Variants in SRC observed in about 807,000 individuals in gnomAD.
SRC encodes SRC proto-oncogene, non-receptor tyrosine kinase.
Under a neutral mutation model 62.9 loss-of-function variants are expected in SRC, and 13 were observed. The ratio of observed to expected loss-of-function variants is 0.21; its 90% CI spans 0.13 to 0.33. The LOEUF is 0.33. Ranked by LOEUF, SRC falls within the 10% of genes least tolerant of loss-of-function variation. The pLI is 1.00. For missense variants in SRC, 457 were observed against 737.3 expected (o/e 0.62, Z 4.40); for synonymous variants, 302 against 317.5 (o/e 0.95, Z 0.52).
chr20:37,357,015 G>T (rs2069892261), intron 1 of SRC, among the ~76,000 whole-genome samples: 1 of 152,210 alleles, frequency 6.6e-6, no homozygotes, highest in Admixed American at 6.5e-5. Flanking sequence ...CCAGCACTCT[G>T]CCCGCCTCGT....
intron 1 of SRC, among the ~76,000 whole-genome samples, chr20:37,348,410 T>A (rs1297654729): frequency 1.3e-5 from 2 of 152,196 alleles, no homozygotes; most frequent in East Asian, 3.8e-4. Context: ...TGACCCCATT[T>A]TCTCAAACCT....
Position 37,396,183 on chromosome 20 carries a change from C to T in SRC, c.575C>T (p.Ser192Phe). The change falls in exon 8 of 14, where the codon TCT becomes TTT. Residue 192 changes from serine (S) to phenylalanine (F), a missense_variant. Physicochemically the swap from Ser to Phe is radical, Grantham distance 155. Around this residue, in one of 4 missense-constraint regions of SRC, gnomAD observed 141 missense variants for 198.4 expected, o/e 0.71. Coordinates refer to ENST00000373578, the MANE Select transcript of SRC (RefSeq NM_198291.3). The surrounding 1 kb of genome is among the most constrained non-coding windows in gnomAD (Gnocchi z 6.1). ...TTKGAYCLSVSDFDNAKGLNV... is the reference protein window; with the variant it reads ...TTKGAYCLSVFDFDNAKGLNV... ...GCAGGTGCCTACTGCCTCTCAGTGT[C>T]TGACTTCGACAACGCCAAGGGCCTC... 6.2e-7 allele frequency: 1 copy of T among 1,613,542 alleles called. No homozygotes were observed. The highest frequency in any genetic ancestry group is 8.5e-7 in the Non-Finnish European group (1 of 1,179,980).
At position 37,404,754 on chromosome 20, in the gene SRC, A is replaced by G. The variant is rs1601027849; in HGVS notation, c.*1375A>G. Reference sequence around the variant, plus strand: ...CACATGGTGAGCCTAGCCCTGGGACATCAGGAGACTGGGCTCTGGCTCTGT... The same window carrying G: ...CACATGGTGAGCCTAGCCCTGGGACGTCAGGAGACTGGGCTCTGGCTCTGT... On this transcript the variant is annotated 3_prime_UTR_variant, in exon 14 of 14. Coordinates refer to ENST00000373578, the MANE Select transcript of SRC (RefSeq NM_198291.3). 1 of 233,272 alleles carries G rather than the reference A, an allele frequency of 4.3e-6. No individual in the cohort carries two copies. The highest frequency in any genetic ancestry group is 2.2e-5 in the African/African-American group (1 of 45,340). 14.5% of individuals were successfully genotyped at this position (233,272 alleles called of 1,614,324 possible).
chr20:37,391,260 C>T (rs2070543095), intron 5 of SRC, among the ~76,000 whole-genome samples: 1 of 152,212 alleles, frequency 6.6e-6, no homozygotes, highest in Non-Finnish European at 1.5e-5. Flanking sequence ...GCCCTGCAGC[C>T]TCCTCTTTCA....
chr20:37,355,965 C>G (rs2069877089), intron 1 of SRC, among the ~76,000 whole-genome samples: 1 of 152,020 alleles, frequency 6.6e-6, no homozygotes, highest in Non-Finnish European at 1.5e-5. Flanking sequence ...GAGAGCAGAG[C>G]AGGTTGAGGC....
chr20:37,386,979 C>T (rs1160294487), intron 5 of SRC, among the ~76,000 whole-genome samples: 1 of 152,184 alleles, frequency 6.6e-6, no homozygotes, highest in Non-Finnish European at 1.5e-5. Context: ...TCAAGGGCCT[C>T]GAAGGAAAGC....
chr20:37,384,226 C>T lies in SRC; in HGVS notation c.73C>T (p.His25Tyr). The change falls in exon 4 of 14, where the codon CAC becomes TAC. Residue 25 changes from histidine (H) to tyrosine (Y), a missense_variant. Physicochemically the swap from His to Tyr is moderately conservative, Grantham distance 83. Transcript: ENST00000373578. This position sits in a 1 kb window ranked among gnomAD's most constrained non-coding sequence, Gnocchi z 6.7. ...CAGCCTGGAGCCCGCCGAGAACGTG[C>T]ACGGCGCTGGCGGGGGCGCTTTCCC... ...RRSLEPAENV[H>Y]GAGGGAFPAS... 1.9e-6 allele frequency: 3 copies of T among 1,592,588 alleles called. No homozygotes were observed. The highest frequency in any genetic ancestry group is 2.6e-6 in the Non-Finnish European group (3 of 1,174,488).
rs147808607 is a variant in SRC, at chr20:37,356,338, C to T, written c.-246-8866C>T. Among the ~76,000 whole-genome samples the T allele has an allele frequency of 5.3e-5, 8 of 152,148 alleles. No homozygotes were observed. The East Asian group carries it at 9.6e-4, about 18-fold the overall frequency. ...GTAGAGGGCCTGGGGGCCTGCTCCT[C>T]GGGCAGTGAGGAAGGGCTACTGGAT... is the stretch of plus-strand genomic sequence containing the variant. On this transcript the variant is annotated intron_variant, in intron 1 of 13. Transcript: ENST00000373578.
At chr20:37,376,096 T>C (rs1444593697) in intron 2 of SRC, among the ~76,000 whole-genome samples, 5 of 152,214 alleles carry the variant, frequency 3.3e-5, no homozygotes, top group African/African-American at 1.2e-4. Context: ...GGGATGCACA[T>C]TCAGTCCATA....
intron 1 of SRC, among the ~76,000 whole-genome samples, chr20:37,361,826 GGTAGAGAT>G (rs112316453): frequency 0.038 from 1,649 of 43,456 alleles, 183 homozygotes; most frequent in Middle Eastern, 0.12. Context: ...TCTGTGTGCA[GGTAGAGAT>G]GTAGAGATGC....
Position 37,402,293 on chromosome 20 carries a change from T to A in SRC, c.1117-142T>A. On this transcript the variant is annotated intron_variant, in intron 11 of 13. Transcript: ENST00000373578. This position sits in a 1 kb window ranked among gnomAD's most constrained non-coding sequence, Gnocchi z 6.2. ...CTCCTGCTTTCGATGCCAACAGCAT[T>A]TACTGTGAACTGACCTCACTTGCCT... The A allele has an allele frequency of 1.0e-6, 1 of 986,718 alleles. No homozygotes were observed. Among genetic ancestry groups the A allele is most frequent in the African/African-American group, 1.6e-5 (1 of 61,510 alleles). 61.1% of individuals were successfully genotyped at this position (986,718 alleles called of 1,614,324 possible). A position where few individuals can be genotyped will look rare whatever the true frequency, so the allele number is the denominator to read the frequency against.
intron 2 of SRC, among the ~76,000 whole-genome samples, chr20:37,375,059 T>A (rs899810424): frequency 1.3e-5 from 2 of 151,104 alleles, no homozygotes; most frequent in African/African-American, 2.4e-5. Flanking sequence ...GCCTCTCGAG[T>A]AGCTGGGATT....
intron 5 of SRC, among the ~76,000 whole-genome samples, chr20:37,388,483 C>T (rs367962693): frequency 2.6e-4 from 40 of 152,330 alleles, no homozygotes; most frequent in South Asian, 2.1e-3. Context: ...CGGTGGCTCA[C>T]GCCTGTAATC....
At chr20:37,367,280 G>A (rs566619511) in intron 2 of SRC, among the ~76,000 whole-genome samples, 7 of 149,576 alleles carry the variant, frequency 4.7e-5, no homozygotes, top group East Asian at 4.0e-4. Flanking sequence ...GGGTCTCACC[G>A]TGTTGCCCAG....
Position 37,384,874 on chromosome 20 carries a change from C to A in SRC, c.250+471C>A, listed in dbSNP as rs911760869. ...CCCTGCGCCCTCTGCTGGCGCTCTG[C>A]GGTCACCGCAGCCCCGGAGAGGGCC... is the stretch of plus-strand genomic sequence containing the variant. On this transcript the variant is annotated intron_variant, in intron 4 of 13. Coordinates refer to ENST00000373578, the MANE Select transcript of SRC (RefSeq NM_198291.3). This position sits in a 1 kb window ranked among gnomAD's most constrained non-coding sequence, Gnocchi z 6.7. 3.9e-5 allele frequency among the ~76,000 whole-genome samples: 6 copies of A among 152,182 alleles called. No homozygotes were observed. The highest frequency in any genetic ancestry group is 8.8e-5 in the Non-Finnish European group (6 of 68,004).
rs750998052 is a variant in SRC, at chr20:37,384,235, G to A, written c.82G>A (p.Gly28Ser). Reference protein sequence around the residue: ...LEPAENVHGAGGGAFPASQTP... With the variant: ...LEPAENVHGASGGAFPASQTP... ...GCCCGCCGAGAACGTGCACGGCGCT[G>A]GCGGGGGCGCTTTCCCCGCCTCGCA... is the stretch of plus-strand genomic sequence containing the variant. The change falls in exon 4 of 14, where the codon GGC becomes AGC. Residue 28 changes from glycine to serine, a missense_variant. Physicochemically the swap from Gly to Ser is moderately conservative, Grantham distance 56. Around this residue, in one of 4 missense-constraint regions of SRC, gnomAD observed 132 missense variants for 135.4 expected, o/e 0.98. Transcript: ENST00000373578. This position sits in a 1 kb window ranked among gnomAD's most constrained non-coding sequence, Gnocchi z 6.7. The A allele has an allele frequency of 3.2e-6, 5 of 1,573,688 alleles. No individual in the cohort carries two copies. The East Asian group carries it at 7.4e-5, about 23-fold the overall frequency.
rs190293499 is a variant in SRC at position 37,396,789 on chromosome 20, G to A, written c.703+478G>A. 9.1e-4 allele frequency: 169 copies of A among 186,702 alleles called. No individual in the cohort carries two copies. The highest frequency in any genetic ancestry group is 4.7e-3 in the Middle Eastern group (2 of 424). The allele number at this position is 186,702 out of a possible 1,614,324, so 11.6% of individuals were successfully genotyped here. A position where few individuals can be genotyped will look rare whatever the true frequency, so the allele number is the denominator to read the frequency against. On this transcript the variant is annotated intron_variant, in intron 8 of 13. Coordinates refer to ENST00000373578, the MANE Select transcript of SRC (RefSeq NM_198291.3). The surrounding 1 kb of genome is among the most constrained non-coding windows in gnomAD (Gnocchi z 6.1). ...TTGCGTGCTGGGTGAGGGCTCGGGC[G>A]TGGGCGCAGTGCTGTAGCCCACCCA...
rs2147108644 is a variant in SRC, at chr20:37,397,911, C to G, written c.859+57C>G. 6.5e-7 allele frequency: 1 copy of G among 1,544,752 alleles called. No homozygotes were observed. Among genetic ancestry groups the G allele is most frequent in the African/African-American group, 1.4e-5 (1 of 73,254 alleles). ...ATCCACCCCCCACCCCGTGTGGCAG[C>G]TCCGGGCTCCCTTGGTCCCTTTGCC... On this transcript the variant is annotated intron_variant, in intron 9 of 13. Transcript: ENST00000373578. The surrounding 1 kb of genome is among the most constrained non-coding windows in gnomAD (Gnocchi z 4.1).
Position 37,403,048 on chromosome 20 carries a change from G to T in SRC, c.1403-123G>T, listed in dbSNP as rs1485775167. On this transcript the variant is annotated intron_variant, in intron 13 of 13. Transcript: ENST00000373578. The surrounding 1 kb of genome is among the most constrained non-coding windows in gnomAD (Gnocchi z 7.1). ...TCCATGCTCTCAGCTTCGGGGACAG[G>T]ACTTATCTATGGTCACTCCCAACCT... The T allele has an allele frequency of 7.6e-6, 10 of 1,310,112 alleles. No individual in the cohort carries two copies. The East Asian group carries it at 2.3e-4, about 30-fold the overall frequency. The allele number at this position is 1,310,112 out of a possible 1,614,324, so 81.2% of individuals were successfully genotyped here.
Sources: gnomAD v4.1 joint callset for allele counts (sites outside exome capture counted in the v4.1 genomes callset) on GRCh38, gnomAD v4.1.1 for gene constraint, gnomAD v4.1.1 regional missense constraint, Gnocchi (gnomAD v3.1) non-coding constraint, MANE v1.5 for transcripts, NCBI Gene and HGNC (gene_info 2026-07-23, HGNC 2026-07-21) for gene names.